PHACTR2: variants seen among roughly 807,000 people sequenced by gnomAD.
PHACTR2 encodes the protein chromosome 6 open reading frame 56.
In PHACTR2, 30 loss-of-function variants were observed where a neutral mutation model predicts 76.0. That is an observed-to-expected ratio of 0.39 (90% CI 0.30 to 0.54). PHACTR2 has a LOEUF of 0.54. Ranked by LOEUF, PHACTR2 falls within the 20% of genes least tolerant of loss-of-function variation. The probability of loss-of-function intolerance (pLI) is 0.61; values close to 1 mark genes in which losing one functional copy is unlikely to be tolerated. For synonymous variants in PHACTR2, 292 were observed against 292.5 expected (o/e 1.00, Z 0.02); for missense variants, 696 against 781.1 (o/e 0.89, Z 1.30).
intron 1 of PHACTR2, among the ~76,000 whole-genome samples, chr6:143,594,031 A>T (rs552506512): frequency 6.6e-6 from 1 of 152,342 alleles, no homozygotes; most frequent in Admixed American, 6.5e-5. Context: ...CTAATCTGAA[A>T]ATCTGAAATG....
intron 7 of PHACTR2, among the ~76,000 whole-genome samples, chr6:143,773,530 CAAA>C (rs60299258): frequency 6.5e-5 from 7 of 108,170 alleles, no homozygotes; most frequent in Admixed American, 2.8e-4. Flanking sequence ...TTGCATGGAG[CAAA>C]AAAAAAAAAA....
At chr6:143,576,768 C>T (rs552314758) in intron 1 of PHACTR2, among the ~76,000 whole-genome samples, 11 of 150,564 alleles carry the variant, frequency 7.3e-5, no homozygotes, top group East Asian at 6.0e-4. Flanking sequence ...CTCAGCTACT[C>T]GGTAGGTTGA....
chr6:143,663,123 C>T lies in PHACTR2; in HGVS notation c.14-48893C>T, dbSNP rs962730648. On this transcript the variant is annotated intron_variant, in intron 1 of 11. Coordinates refer to the PHACTR2 transcript ENST00000305766. This position sits in a 1 kb window ranked among gnomAD's most constrained non-coding sequence, Gnocchi z 4.1. ...TAGCCAGGCCCCCACTAATGAGCAC[C>T]TAGGTTGATTCCATGTCTCTGCTAT... Among the ~76,000 whole-genome samples, 3 of 152,102 alleles carry T rather than the reference C, an allele frequency of 2.0e-5. No homozygotes were observed. The highest frequency in any genetic ancestry group is 7.2e-5 in the African/African-American group (3 of 41,414).
In PHACTR2 at chr6:143,739,315, G is replaced by A. The variant is rs919694220; in HGVS notation, c.215-9670G>A. Among the ~76,000 whole-genome samples, 1 of 152,106 alleles carries A rather than the reference G, an allele frequency of 6.6e-6. No homozygotes were observed. The highest frequency in any genetic ancestry group is 1.5e-5 in the Non-Finnish European group (1 of 68,018). On this transcript the variant is annotated intron_variant, in intron 2 of 12. Transcript: ENST00000440869. The surrounding 1 kb of genome is among the most constrained non-coding windows in gnomAD (Gnocchi z 4.3). ...GCTGACCTCATGATCCACCAGCCTC[G>A]GCATCCCAAAGTGCTGGGATTACAG...
intron 1 of PHACTR2, among the ~76,000 whole-genome samples, chr6:143,560,882 GGTGTGTGTGTGTGTGTGTGT>G (rs36070460): frequency 4.5e-5 from 6 of 133,094 alleles, no homozygotes; most frequent in East Asian, 4.5e-4. Context: ...AAAGCAGAGG[GGTGTGTGTGTGTGTGTGTGT>G]GTGTGTGTGT....
chr6:143,552,073 C>A, intron 1 of PHACTR2, among the ~76,000 whole-genome samples: 1 of 152,142 alleles, frequency 6.6e-6, no homozygotes, highest in East Asian at 1.9e-4. Flanking sequence ...GAGTAGTAGA[C>A]TTTTGTAATC....
intron 3 of PHACTR2, 117 bp downstream of exon 3, chr6:143,749,182 T>C (rs1779133075): frequency 9.7e-6 from 6 of 616,894 alleles, no homozygotes; most frequent in Admixed American, 5.9e-5. Context: ...CGGTGATTAC[T>C]GCATTCCAAG....
intron 11 of PHACTR2, among the ~76,000 whole-genome samples, chr6:143,797,152 C>A (rs1306493545): frequency 1.3e-5 from 2 of 152,210 alleles, no homozygotes; most frequent in South Asian, 4.1e-4. Context: ...GCATTTCTCT[C>A]ATGACCAGTG....
rs933489954 is a variant in PHACTR2, at chr6:143,742,861, T to C, written c.215-6124T>C. 1.3e-5 allele frequency among the ~76,000 whole-genome samples: 2 copies of C among 152,244 alleles called. No homozygotes were observed. The highest frequency in any genetic ancestry group is 4.8e-5 in the African/African-American group (2 of 41,460). ...AGAATCATGTGATTATGCAATCGCATACACATGAATTTAGTAATGAACAAC... is the reference window on the plus strand; with the variant it reads ...AGAATCATGTGATTATGCAATCGCACACACATGAATTTAGTAATGAACAAC... On this transcript the variant is annotated intron_variant, in intron 2 of 12. Transcript: ENST00000440869. The surrounding 1 kb of genome is among the most constrained non-coding windows in gnomAD (Gnocchi z 4.5).
rs1012690390 is a variant in PHACTR2 at position 143,760,400 on chromosome 6, G to A, written c.455-1G>A. The A allele has an allele frequency of 6.2e-7, 1 of 1,607,236 alleles. No individual in the cohort carries two copies. The highest frequency in any genetic ancestry group is 8.5e-7 in the Non-Finnish European group (1 of 1,176,590). On this transcript the variant is annotated splice_acceptor_variant, in intron 4 of 12. Coordinates refer to ENST00000440869, the MANE Select transcript of PHACTR2 (RefSeq NM_001100164.2). LOFTEE classifies it high-confidence loss of function. The surrounding 1 kb of genome is among the most constrained non-coding windows in gnomAD (Gnocchi z 6.4). ...GCTTCTGTTCACTTTCTCGTTTATA[G>A]AGAACACTGAAAACCACTCTGAAAC...
intron 1 of PHACTR2, among the ~76,000 whole-genome samples, chr6:143,620,942 A>T (rs190056234): frequency 6.6e-6 from 1 of 152,204 alleles, no homozygotes; most frequent in Admixed American, 6.5e-5. Context: ...CTGTACTAGG[A>T]TATGCAACCA....
intron 1 of PHACTR2, chr6:143,711,013 C>T (rs1778164957): frequency 1.9e-6 from 1 of 516,016 alleles, no homozygotes; most frequent in Non-Finnish European, 3.9e-6. Context: ...AATTAGACTT[C>T]ACTGTCAGTT....
chr6:143,752,085 T>C (rs17593545), intron 3 of PHACTR2, among the ~76,000 whole-genome samples: 21,828 of 152,072 alleles, frequency 0.14, 1,667 homozygotes, highest in Middle Eastern at 0.21. Flanking sequence ...CACTTTCTTC[T>C]TGTGTCACAG....
At position 143,739,647 on chromosome 6, in the gene PHACTR2, C is replaced by T. The variant is rs1385112654; in HGVS notation, c.215-9338C>T. Among the ~76,000 whole-genome samples, 2 of 152,150 alleles carry T rather than the reference C, an allele frequency of 1.3e-5. No individual in the cohort carries two copies. The highest frequency in any genetic ancestry group is 2.9e-5 in the Non-Finnish European group (2 of 68,038). On this transcript the variant is annotated intron_variant, in intron 2 of 12. Coordinates refer to ENST00000440869, the MANE Select transcript of PHACTR2 (RefSeq NM_001100164.2). This position sits in a 1 kb window ranked among gnomAD's most constrained non-coding sequence, Gnocchi z 4.3. Reference sequence around the variant, plus strand: ...AAGGGGAAGGACAGGCTGTGTTACACGTAGCACTCAAATCTTCGCTTCTAA... The same window carrying T: ...AAGGGGAAGGACAGGCTGTGTTACATGTAGCACTCAAATCTTCGCTTCTAA...
rs779519075 is a variant in PHACTR2, at chr6:143,783,233, G to A, written c.1660G>A (p.Glu554Lys). 1.9e-6 allele frequency: 3 copies of A among 1,606,144 alleles called. No homozygotes were observed. The Admixed American group carries it at 5.0e-5, about 27-fold the overall frequency. The change falls in exon 10 of 13, where the codon GAG (glutamate) becomes AAG (lysine). Residue 554 changes from glutamate (E) to lysine (K), a missense_variant. By Grantham distance (56) the Glu-to-Lys change is moderately conservative. Around this residue, in one of 2 missense-constraint regions of PHACTR2, gnomAD observed 236 missense variants for 330.2 expected, o/e 0.71. Coordinates refer to ENST00000440869, the MANE Select transcript of PHACTR2 (RefSeq NM_001100164.2). This position sits in a 1 kb window ranked among gnomAD's most constrained non-coding sequence, Gnocchi z 5.2. ...RNILKQKNEE[E>K]EQEAKMELKR... is the part of the protein sequence containing the mutation. ...TTAATAAACAGAAAAGAATGAAGAA[G>A]AGGAACAAGAAGCAAAAATGGAACT...
rs1775759613 is a variant in PHACTR2 at position 143,596,688 on chromosome 6, G to A, written c.217+59481G>A. Reference sequence around the variant, plus strand: ...ACCCCATTTTACTAAAAATAAAAAAGTTAGCTGGCTGTGGTGGTATGTGAC... The same window carrying A: ...ACCCCATTTTACTAAAAATAAAAAAATTAGCTGGCTGTGGTGGTATGTGAC... On this transcript the variant is annotated intron_variant, in intron 1 of 11. Transcript: ENST00000367584. This position sits in a 1 kb window ranked among gnomAD's most constrained non-coding sequence, Gnocchi z 4.6. Among the ~76,000 whole-genome samples, 1 of 151,916 alleles carries A rather than the reference G, an allele frequency of 6.6e-6. No individual in the cohort carries two copies. Among genetic ancestry groups the A allele is most frequent in the Non-Finnish European group, 1.5e-5 (1 of 67,966 alleles).
chr6:143,790,044 C>T (rs993477382), intron 11 of PHACTR2, among the ~76,000 whole-genome samples: 1 of 152,050 alleles, frequency 6.6e-6, no homozygotes, highest in Non-Finnish European at 1.5e-5. Flanking sequence ...TCAGGGAGGA[C>T]GGACGGCCAC....
chr6:143,552,558 C>T (rs1328078643), intron 1 of PHACTR2, among the ~76,000 whole-genome samples: 2 of 152,190 alleles, frequency 1.3e-5, no homozygotes, highest in East Asian at 3.9e-4. Context: ...TCAGACATGT[C>T]TGTTTATGGA....
At position 143,793,277 on chromosome 6, in the gene PHACTR2, A is replaced by C. The variant is rs1439237999; in HGVS notation, c.1845+4367A>C. ...TGTAACAGAGAGGATTTTTTTTTTT[A>C]ATTTTATGTTGAAACAAAAATGGGA... On this transcript the variant is annotated intron_variant, in intron 11 of 12. Coordinates refer to ENST00000440869, the MANE Select transcript of PHACTR2 (RefSeq NM_001100164.2). This position sits in a 1 kb window ranked among gnomAD's most constrained non-coding sequence, Gnocchi z 4.4. Among the ~76,000 whole-genome samples, 1 of 151,034 alleles carries C rather than the reference A, an allele frequency of 6.6e-6. No homozygotes were observed. Among genetic ancestry groups the C allele is most frequent in the African/African-American group, 2.4e-5 (1 of 41,100 alleles).
Sources: allele counts gnomAD v4.1 joint callset (sites outside exome capture counted in the v4.1 genomes callset), GRCh38; gene constraint gnomAD v4.1.1; regional missense constraint gnomAD v4.1.1; non-coding constraint Gnocchi (gnomAD v3.1); transcripts MANE v1.5; gene names NCBI Gene and HGNC (gene_info 2026-07-23, HGNC 2026-07-21).